Variants in SETBP1 observed in about 807,000 individuals in gnomAD.
SETBP1 encodes the protein SET binding protein 1.
A neutral mutation model predicts 101.0 loss-of-function variants in SETBP1; 9 were observed. The observed-to-expected ratio is 0.09, with a 90% CI of 0.05 to 0.16. The LOEUF is 0.16. SETBP1 is among the 10% of genes least tolerant of loss of function. The pLI is 1.00. For synonymous variants in SETBP1, 818 were observed against 788.5 expected, an observed-to-expected ratio of 1.04 and a Z score of -0.63; for missense variants, 1,858 against 2,033.8, an observed-to-expected ratio of 0.91 and a Z score of 1.66.
chr18:44,994,903 G>A (rs1398433213), intron 4 of SETBP1, among the ~76,000 whole-genome samples: 3 of 152,126 alleles, frequency 2.0e-5, no homozygotes, highest in Admixed American at 2.0e-4. Context: ...TATTGCACAA[G>A]GATTTCCAGC....
In SETBP1 at chr18:44,814,147, G is replaced by A. The variant is rs150180026; in HGVS notation, c.487-55083G>A. 8.9e-4 allele frequency among the ~76,000 whole-genome samples: 135 copies of A among 152,306 alleles called. 3 individuals carry two copies. The East Asian group carries it at 0.014, about 16-fold the overall frequency. On this transcript the variant is annotated intron_variant, in intron 2 of 5. Transcript: ENST00000649279. ...ATGCACCTAGGCCAGTGGGAGTAGGGTGATGGGGGAAGGTTGGTACAGAGA... is the reference window on the plus strand; with the variant it reads ...ATGCACCTAGGCCAGTGGGAGTAGGATGATGGGGGAAGGTTGGTACAGAGA...
At chr18:44,889,674 A>G (rs927777969) in intron 3 of SETBP1, among the ~76,000 whole-genome samples, 5 of 152,122 alleles carry the variant, frequency 3.3e-5, no homozygotes, top group Non-Finnish European at 5.9e-5. Context: ...AAATTAAACT[A>G]TTGAGATGAG....
chr18:44,841,578 G>A (rs2072619207), intron 2 of SETBP1, among the ~76,000 whole-genome samples: 1 of 152,166 alleles, frequency 6.6e-6, no homozygotes, highest in South Asian at 2.1e-4. Context: ...TGTAGTACCC[G>A]AGCTACAAGT....
At chr18:44,695,508 A>T (rs1170684616) in intron 1 of SETBP1, among the ~76,000 whole-genome samples, 1 of 152,256 alleles carries the variant, frequency 6.6e-6, no homozygotes, top group Non-Finnish European at 1.5e-5. Flanking sequence ...ATGCTGAAAG[A>T]CATGCTACAA....
chr18:44,703,348 G>GTTTTTTTTTTTT (rs531974601), intron 2 of SETBP1, among the ~76,000 whole-genome samples: 16 of 51,442 alleles, frequency 3.1e-4, no homozygotes, highest in South Asian at 9.6e-4. Context: ...TTACCATTAG[G>GTTTTTTTTTTTT]TTTTTTTTTT....
chr18:44,964,835 C>T (rs555153880), intron 4 of SETBP1, among the ~76,000 whole-genome samples: 106 of 152,328 alleles, frequency 7.0e-4, no homozygotes, highest in Middle Eastern at 3.4e-3. Flanking sequence ...TTCTCCACTA[C>T]CACTATGGTT....
At chr18:44,775,831 T>C (rs1379402034) in intron 2 of SETBP1, among the ~76,000 whole-genome samples, 1 of 152,176 alleles carries the variant, frequency 6.6e-6, no homozygotes, top group Non-Finnish European at 1.5e-5. Context: ...ACTCATTGCC[T>C]GCATAGATCA....
At chr18:45,031,065 G>A (rs868729893) in intron 4 of SETBP1, among the ~76,000 whole-genome samples, 2 of 151,974 alleles carry the variant, frequency 1.3e-5, no homozygotes, top group South Asian at 4.1e-4. Flanking sequence ...TTTTGAATGT[G>A]TTTGCTCTTG....
rs1402535207 is a variant in SETBP1 at position 44,950,596 on chromosome 18, A to T, written c.1256A>T (p.Lys419Ile). The change falls in exon 4 of 6, where the codon AAA becomes ATA. Residue 419 changes from lysine to isoleucine, a missense_variant. Coordinates refer to ENST00000649279, the MANE Select transcript of SETBP1 (RefSeq NM_015559.3). Reference protein sequence around the residue: ...PSLDPTNHKRKKRQSIKAVVE... With the variant: ...PSLDPTNHKRIKRQSIKAVVE... ...CTGGATCCAACCAACCATAAGAGGA[A>T]AAAAAGACAGTCCATTAAAGCGGTG... The T allele has an allele frequency of 6.2e-7, 1 of 1,614,006 alleles. No individual in the cohort carries two copies. The highest frequency in any genetic ancestry group is 1.1e-5 in the South Asian group (1 of 91,092).
intron 3 of SETBP1, among the ~76,000 whole-genome samples, chr18:44,919,239 A>G (rs972358910): frequency 5.3e-5 from 8 of 152,212 alleles, no homozygotes; most frequent in African/African-American, 1.9e-4. Flanking sequence ...CTCTGCAGGT[A>G]GAAACTATTT....
At chr18:44,990,947 A>AT (rs1418370807) in intron 4 of SETBP1, among the ~76,000 whole-genome samples, 8 of 149,588 alleles carry the variant, frequency 5.3e-5, no homozygotes, top group Non-Finnish European at 1.2e-4. Flanking sequence ...AAAAAAAAAA[A>AT]GAAACCAAAA....
chr18:44,878,205 G>A (rs1480185884), intron 3 of SETBP1, among the ~76,000 whole-genome samples: 2 of 152,230 alleles, frequency 1.3e-5, no homozygotes, highest in South Asian at 4.1e-4. Context: ...ACTGGTTGAA[G>A]TAACTTTGAA....
chr18:44,977,144 A>G lies in SETBP1; in HGVS notation c.4000+23804A>G, dbSNP rs574939688. ...TCACTGTGGGGCCAACCCCCATGGC[A>G]TTGAAAAGGTTTCCTTCTGTACTCA... On this transcript the variant is annotated intron_variant, in intron 4 of 5. Coordinates refer to ENST00000649279, the MANE Select transcript of SETBP1 (RefSeq NM_015559.3). Among the ~76,000 whole-genome samples the G allele has an allele frequency of 1.6e-3, 248 of 152,314 alleles. 2 individuals are homozygous for G. Among genetic ancestry groups the G allele is most frequent in the Middle Eastern group, 3.4e-3 (1 of 294 alleles).
chr18:45,020,740 G>T (rs544722757), intron 4 of SETBP1, among the ~76,000 whole-genome samples: 1 of 152,224 alleles, frequency 6.6e-6, no homozygotes, highest in African/African-American at 2.4e-5. Context: ...TTTTTTTGAT[G>T]ACCATAAACC....
intron 2 of SETBP1, among the ~76,000 whole-genome samples, chr18:44,756,039 C>A (rs905510012): frequency 1.3e-5 from 2 of 151,976 alleles, no homozygotes; most frequent in Admixed American, 1.3e-4. Context: ...CATGGTGAAA[C>A]CCCGTCTCTA....
At chr18:44,694,603 T>G (rs998731811) in intron 1 of SETBP1, among the ~76,000 whole-genome samples, 1 of 152,230 alleles carries the variant, frequency 6.6e-6, no homozygotes, top group Admixed American at 6.5e-5. Flanking sequence ...AGGCACTAGC[T>G]TCATTGCATC....
At position 44,802,175 on chromosome 18, in the gene SETBP1, C is replaced by T. The variant is rs554607214; in HGVS notation, c.487-67055C>T. Among the ~76,000 whole-genome samples, 9 of 152,298 alleles carry T rather than the reference C, an allele frequency of 5.9e-5. No homozygotes were observed. In the East Asian group the frequency reaches 1.7e-3, roughly 29 times the overall value. On this transcript the variant is annotated intron_variant, in intron 2 of 5. Transcript: ENST00000649279. ...CATCATTTTTTTTGCATCAATGTCA[C>T]TGGCCCTGAATCTTTTTCTGAAACA...
At chr18:45,054,395 C>A (rs887219655) in intron 5 of SETBP1, among the ~76,000 whole-genome samples, 5 of 152,082 alleles carry the variant, frequency 3.3e-5, no homozygotes, top group African/African-American at 1.2e-4. Context: ...ACCATGTTGG[C>A]CAGACTGGTC....
intron 2 of SETBP1, among the ~76,000 whole-genome samples, chr18:44,740,708 A>G (rs2077339657): frequency 6.6e-6 from 1 of 152,192 alleles, no homozygotes; most frequent in South Asian, 2.1e-4. Context: ...ATTTGTGGAA[A>G]AGCATTTGTG....
Sources: gnomAD v4.1 joint callset for allele counts (sites outside exome capture counted in the v4.1 genomes callset) on GRCh38, gnomAD v4.1.1 for gene constraint, MANE v1.5 for transcripts, NCBI Gene and HGNC (gene_info 2026-07-23, HGNC 2026-07-21) for gene names.